The following WEE1 variants were observed in gnomAD, a reference collection of about 807,000 sequenced individuals.
WEE1 encodes the protein wee1-like protein kinase.
In WEE1, 16 loss-of-function variants were observed where a neutral mutation model predicts 68.8. The ratio of observed to expected loss-of-function variants is 0.23; its 90% CI spans 0.16 to 0.35. WEE1 has a LOEUF of 0.35. WEE1 is among the 10% of genes least tolerant of loss of function. WEE1 has a pLI of 1.00. For missense variants in WEE1, 651 were observed against 824.1 expected, an observed-to-expected ratio of 0.79 and a Z score of 2.57; for synonymous variants, 349 against 318.7, an observed-to-expected ratio of 1.09 and a Z score of -1.01.
Position 9,574,544 on chromosome 11 carries a change from G to A in WEE1, c.576+35G>A. 8.4e-7 allele frequency: 1 copy of A among 1,191,424 alleles called. No individual in the cohort carries two copies. Among genetic ancestry groups the A allele is most frequent in the South Asian group, 3.8e-5 (1 of 26,102 alleles). The allele number at this position is 1,191,424 out of a possible 1,614,324, so 73.8% of individuals were successfully genotyped here. ...GCGGGCGCGGGCACCCGGCGGCCGGGGCCGCGGCGCCGGAGGGGCCAGCGC... is the reference window on the plus strand; with the variant it reads ...GCGGGCGCGGGCACCCGGCGGCCGGAGCCGCGGCGCCGGAGGGGCCAGCGC... On this transcript the variant is annotated intron_variant, in intron 1 of 10. Coordinates refer to ENST00000450114, the MANE Select transcript of WEE1 (RefSeq NM_003390.4). The surrounding 1 kb of genome is among the most constrained non-coding windows in gnomAD (Gnocchi z 4.9).
rs147698965 is a variant in WEE1 at position 9,582,353 on chromosome 11, T to C, written c.1288+675T>C. Among the ~76,000 whole-genome samples, 643 of 152,360 alleles carry C rather than the reference T, an allele frequency of 4.2e-3. 8 individuals carry two copies. The highest frequency in any genetic ancestry group is 0.015 in the African/African-American group (616 of 41,590). On this transcript the variant is annotated intron_variant, in intron 6 of 10. Transcript: ENST00000450114. ...TAGTTGCTTCTTGTATCATTTAGCT[T>C]GTTCCTTTTTCTCCTATATTTCCTA...
chr11:9,585,313 C>T lies in WEE1; in HGVS notation c.1344C>T (p.Asp448=), dbSNP rs895299385. 16 of 1,613,808 alleles carry T rather than the reference C, an allele frequency of 9.9e-6. No homozygotes were observed. Among genetic ancestry groups the T allele is most frequent in the African/African-American group, 2.7e-5 (2 of 74,860 alleles). Residue 448 remains aspartate, a synonymous_variant, in exon 7 of 11, where the codon GAC becomes GAT. Coordinates refer to ENST00000450114, the MANE Select transcript of WEE1 (RefSeq NM_003390.4). ...CAAATGCTGCCTCTGAAGAAGGAGACGAAGATGATTGGGCATCCAACAAAG... is the reference window on the plus strand; with the variant it reads ...CAAATGCTGCCTCTGAAGAAGGAGATGAAGATGATTGGGCATCCAACAAAG... ...SIPNAASEEG[D]EDDWASNKVM... is the part of the protein sequence containing the mutation.
rs1565089959 is a variant in WEE1, at chr11:9,583,782, CACACACACACACACACACACATAT to C, written c.1289-1474_1289-1451del. Among the ~76,000 whole-genome samples the C allele has an allele frequency of 2.2e-4, 7 of 31,892 alleles. No homozygotes were observed. The East Asian group carries it at 3.4e-3, about 15-fold the overall frequency. 20.9% of individuals were successfully genotyped at this position (31,892 alleles called of 152,430 possible). A position where few individuals can be genotyped will look rare whatever the true frequency, so the allele number is the denominator to read the frequency against. ...GCGCGCACACACACACACACACACACACACACACACACACACACACATATATATATATATATATATATATATATA... is the reference window on the plus strand; with the variant it reads ...GCGCGCACACACACACACACACACACATATATATATATATATATATATATA... On this transcript the variant is annotated intron_variant, in intron 6 of 10. Transcript: ENST00000450114.
intron 6 of WEE1, 98 bp downstream of exon 6, chr11:9,581,776 C>G: frequency 2.4e-6 from 3 of 1,265,800 alleles, no homozygotes; most frequent in Non-Finnish European, 3.2e-6. Context: ...CTTCTGTTTT[C>G]TCATTGTTAG....
rs753622971 is a variant in WEE1 at position 9,581,579 on chromosome 11, T to A, written c.1189T>A (p.Tyr397Asn). ...AAGTGAAAACTACAGAATCATGAGT[T>A]ACTTTAAAGAAGCAGAGTTGAAGGA... ...AISENYRIMS[Y>N]FKEAELKDLL... Residue 397 changes from tyrosine to asparagine, a missense_variant, in exon 6 of 11, where the codon TAC becomes AAC. Tyr to Asn is a moderately radical substitution (Grantham distance 143). Transcript: ENST00000450114. The A allele has an allele frequency of 6.2e-7, 1 of 1,612,126 alleles. No individual in the cohort carries two copies. The highest frequency in any genetic ancestry group is 8.5e-7 in the Non-Finnish European group (1 of 1,179,792).
rs1194353544 is a variant in WEE1 at position 9,576,038 on chromosome 11, T to G, written c.727T>G (p.Leu243Val). 6.2e-7 allele frequency: 1 copy of G among 1,614,198 alleles called. No individual in the cohort carries two copies. The highest frequency in any genetic ancestry group is 1.1e-5 in the South Asian group (1 of 91,082). The change falls in exon 2 of 11, where the codon TTG becomes GTG. Residue 243 changes from leucine (L) to valine (V), a missense_variant. Transcript: ENST00000450114. The surrounding 1 kb of genome is among the most constrained non-coding windows in gnomAD (Gnocchi z 4.3). ...TATTAATCCTTTTACTCCGGATTCT[T>G]TGTTGCTTCATTCCTCAGGACAGTG... ...VNINPFTPDS[L>V]LLHSSGQCRR...
In WEE1 at chr11:9,574,003, A is replaced by G; in HGVS notation, c.70A>G (p.Lys24Glu). The change falls in exon 1 of 11, where the codon AAG becomes GAG. Residue 24 changes from lysine (K) to glutamate (E), a missense_variant. Physicochemically the swap from Lys to Glu is moderately conservative, Grantham distance 56 (BLOSUM62 1). Coordinates refer to ENST00000450114, the MANE Select transcript of WEE1 (RefSeq NM_003390.4). The surrounding 1 kb of genome is among the most constrained non-coding windows in gnomAD (Gnocchi z 4.9). ...RAGAACTLRQ[K>E]LIFSPCSDCE... ...CGGGGCGGCCTGCACCTTGCGGCAGAAGCTGATCTTCTCGCCCTGCAGCGA... is the reference window on the plus strand; with the variant it reads ...CGGGGCGGCCTGCACCTTGCGGCAGGAGCTGATCTTCTCGCCCTGCAGCGA... The G allele has an allele frequency of 7.8e-7, 1 of 1,288,102 alleles. No individual in the cohort carries two copies. Among genetic ancestry groups the G allele is most frequent in the South Asian group, 2.3e-5 (1 of 44,248 alleles). 79.8% of individuals were successfully genotyped at this position (1,288,102 alleles called of 1,614,324 possible). A position where few individuals can be genotyped will look rare whatever the true frequency, so the allele number is the denominator to read the frequency against.
Position 9,576,774 on chromosome 11 carries a change from A to C in WEE1, c.1019+115A>C. ...CTCTAACTTTTGAGAAGCTGTAATGATTTAATCAGGTCCTTTTCACTTAAT... is the reference window on the plus strand; with the variant it reads ...CTCTAACTTTTGAGAAGCTGTAATGCTTTAATCAGGTCCTTTTCACTTAAT... On this transcript the variant is annotated intron_variant, in intron 4 of 10. Coordinates refer to ENST00000450114, the MANE Select transcript of WEE1 (RefSeq NM_003390.4). The surrounding 1 kb of genome is among the most constrained non-coding windows in gnomAD (Gnocchi z 4.3). 8.9e-7 allele frequency: 1 copy of C among 1,124,408 alleles called. No individual in the cohort carries two copies. Among genetic ancestry groups the C allele is most frequent in the Admixed American group, 2.6e-5 (1 of 38,024 alleles). The allele number at this position is 1,124,408 out of a possible 1,614,324, so 69.7% of individuals were successfully genotyped here. A position where few individuals can be genotyped will look rare whatever the true frequency, so the allele number is the denominator to read the frequency against.
intron 6 of WEE1, among the ~76,000 whole-genome samples, chr11:9,583,755 GCGCGCGCACACACACA>G (rs1235102462): frequency 3.4e-4 from 3 of 8,746 alleles, no homozygotes; most frequent in African/African-American, 1.0e-3. Context: ...GTGCGTGCAC[GCGCGCGCACACACACA>G]CACACACACA....
chr11:9,585,332 A>G lies in WEE1; in HGVS notation c.1363A>G (p.Asn455Asp). The G allele has an allele frequency of 1.2e-6, 2 of 1,614,102 alleles. No individual in the cohort carries two copies. Among genetic ancestry groups the G allele is most frequent in the Non-Finnish European group, 1.7e-6 (2 of 1,179,986 alleles). Residue 455 changes from asparagine to aspartate, a missense_variant, in exon 7 of 11, where the codon AAC (asparagine) becomes GAC (aspartate). Coordinates refer to ENST00000450114, the MANE Select transcript of WEE1 (RefSeq NM_003390.4). ...EEGDEDDWAS[N>D]KVMFKIGDLG... The stretch of plus-strand genomic sequence containing the variant: ...AGGAGACGAAGATGATTGGGCATCC[A>G]ACAAAGTTATGTTTAAAATAGGTAA...
At chr11:9,579,350 C>T (rs943611721) in intron 5 of WEE1, 1 of 152,174 alleles carries the variant, frequency 6.6e-6, no homozygotes, top group Non-Finnish European at 1.5e-5. Flanking sequence ...CAATAGGGCT[C>T]ATCTTCACAT....
At chr11:9,587,288 T>C (rs1252245308) in intron 10 of WEE1, among the ~76,000 whole-genome samples, 1 of 152,178 alleles carries the variant, frequency 6.6e-6, no homozygotes. Flanking sequence ...TGTTATACGG[T>C]GAAAGCTTGG....
chr11:9,576,066 G>T lies in WEE1; in HGVS notation c.755G>T (p.Arg252Leu). ...TTGCTTCATTCCTCAGGACAGTGTC[G>T]TCGTAGAAAGAGAACGTATTGGAAT... ...SLLLHSSGQC[R>L]RRKRTYWNDS... is the part of the protein sequence containing the mutation. The change falls in exon 2 of 11, where the codon CGT (arginine) becomes CTT (leucine). Residue 252 changes from arginine to leucine, a missense_variant. Coordinates refer to ENST00000450114, the MANE Select transcript of WEE1 (RefSeq NM_003390.4). This position sits in a 1 kb window ranked among gnomAD's most constrained non-coding sequence, Gnocchi z 4.3. 6.2e-7 allele frequency: 1 copy of T among 1,614,116 alleles called. No homozygotes were observed. The highest frequency in any genetic ancestry group is 8.5e-7 in the Non-Finnish European group (1 of 1,180,014).
chr11:9,579,075 T>G (rs1215192394), intron 5 of WEE1: 1 of 151,932 alleles, frequency 6.6e-6, no homozygotes, highest in Admixed American at 6.6e-5. Flanking sequence ...CCCAGCTAAT[T>G]TTTGTATTTT....
intron 1 of WEE1, 98 bp from the exon 2 acceptor site, chr11:9,575,790 G>T (rs1849558884): frequency 2.1e-6 from 2 of 967,914 alleles, no homozygotes; most frequent in Non-Finnish European, 1.6e-6. Flanking sequence ...TTTCACCTAC[G>T]CATTCAGCCC....
rs756613979 is a variant in WEE1, at chr11:9,574,352, C to G, written c.419C>G (p.Pro140Arg). ...TACTTCCTGGGTAGCTCTTTCTCGC[C>G]GGTGCGCTGCGGCGGCCCAGGAGAT... is the stretch of plus-strand genomic sequence containing the variant. ...APYFLGSSFSPVRCGGPGDAS... is the reference protein window; with the variant it reads ...APYFLGSSFSRVRCGGPGDAS... The change falls in exon 1 of 11, where the codon CCG becomes CGG. Residue 140 changes from proline to arginine, a missense_variant. Pro to Arg is a moderately radical substitution (Grantham distance 103). This residue lies in a region of WEE1 where 395 missense variants were observed against 378.4 expected (regional missense o/e 1.04). Coordinates refer to ENST00000450114, the MANE Select transcript of WEE1 (RefSeq NM_003390.4). This position sits in a 1 kb window ranked among gnomAD's most constrained non-coding sequence, Gnocchi z 4.9. 2 of 1,248,210 alleles carry G rather than the reference C, an allele frequency of 1.6e-6. No homozygotes were observed. Among genetic ancestry groups the G allele is most frequent in the Non-Finnish European group, 2.0e-6 (2 of 996,994 alleles). 77.3% of individuals were successfully genotyped at this position (1,248,210 alleles called of 1,614,324 possible).
In WEE1 at chr11:9,574,339, A is replaced by C; in HGVS notation, c.406A>C (p.Ser136Arg). ...KSPAAPYFLGSSFSPVRCGGP... is the reference protein window; with the variant it reads ...KSPAAPYFLGRSFSPVRCGGP... ...GCCGGCGGCCCCCTACTTCCTGGGT[A>C]GCTCTTTCTCGCCGGTGCGCTGCGG... Residue 136 changes from serine (S) to arginine (R), a missense_variant, in exon 1 of 11, where the codon AGC (serine) becomes CGC (arginine). By Grantham distance (110) the Ser-to-Arg change is moderately radical (BLOSUM62 -1). This residue lies in a region of WEE1 where 395 missense variants were observed against 378.4 expected (regional missense o/e 1.04). Coordinates refer to ENST00000450114, the MANE Select transcript of WEE1 (RefSeq NM_003390.4). This position sits in a 1 kb window ranked among gnomAD's most constrained non-coding sequence, Gnocchi z 4.9. The C allele has an allele frequency of 7.9e-7, 1 of 1,266,932 alleles. No individual in the cohort carries two copies. The highest frequency in any genetic ancestry group is 9.9e-7 in the Non-Finnish European group (1 of 1,005,462). The allele number at this position is 1,266,932 out of a possible 1,614,324, so 78.5% of individuals were successfully genotyped here.
At chr11:9,586,094 C>T (rs1046616455) in intron 8 of WEE1, among the ~76,000 whole-genome samples, 2 of 152,094 alleles carry the variant, frequency 1.3e-5, no homozygotes, top group African/African-American at 2.4e-5. Flanking sequence ...TGCTTTATCA[C>T]GTATATGTGT....
intron 5 of WEE1, chr11:9,577,875 C>T (rs1479289386): frequency 2.2e-6 from 1 of 456,222 alleles, no homozygotes. Context: ...GTTTGGATGT[C>T]TTGTATAGCT....
Sources: gnomAD v4.1 joint callset for allele counts (sites outside exome capture counted in the v4.1 genomes callset) on GRCh38, gnomAD v4.1.1 for gene constraint, gnomAD v4.1.1 regional missense constraint, Gnocchi (gnomAD v3.1) non-coding constraint, MANE v1.5 for transcripts, NCBI Gene and HGNC (gene_info 2026-07-23, HGNC 2026-07-21) for gene names.